MZT2A: variants seen among roughly 807,000 people sequenced by gnomAD.
The protein encoded by MZT2A is mitotic-spindle organizing protein 2A.
MZT2A carries 8 observed loss-of-function variants against 12.4 expected under a neutral mutation model. The observed-to-expected ratio is 0.64, with a 90% CI of 0.38 to 1.16. MZT2A has a LOEUF of 1.16. Among genes scored for constraint, MZT2A ranks in the 50% most tolerant of loss-of-function variants. MZT2A has a pLI of 0.01. For missense variants in MZT2A, 181 were observed against 223.6 expected (o/e 0.81, Z 1.22); for synonymous variants, 88 against 107.5 (o/e 0.82, Z 1.12).
At chr2:131,479,874 A>G (rs1396629345), downstream of MZT2A, among the ~76,000 whole-genome samples, 1 of 152,282 alleles carries the variant, frequency 6.6e-6, no homozygotes, top group East Asian at 1.9e-4. Flanking sequence ...CAGCATCTTG[A>G]GTCCTACTGA....
At chr2:131,471,471 G>T (rs1485832290) in intron 3 of MZT2A, among the ~76,000 whole-genome samples, 1 of 143,982 alleles carries the variant, frequency 6.9e-6, no homozygotes, top group Non-Finnish European at 1.5e-5. Flanking sequence ...AAAAAGAAAA[G>T]AAAAAAGAAC....
intron 2 of MZT2A, among the ~76,000 whole-genome samples, chr2:131,487,205 G>A (rs987162507): frequency 1.3e-5 from 2 of 152,196 alleles, no homozygotes; most frequent in African/African-American, 4.8e-5. Context: ...CTCAGCAGGG[G>A]TCAGTGGCTC....
intron 3 of MZT2A, among the ~76,000 whole-genome samples, chr2:131,471,627 GC>G (rs1573850009): frequency 6.6e-6 from 1 of 151,204 alleles, no homozygotes; most frequent in African/African-American, 2.5e-5. Flanking sequence ...TTACTAAGAT[GC>G]CCCTTCTAAG....
At chr2:131,481,788 A>C (rs1678874027), downstream of MZT2A, among the ~76,000 whole-genome samples, 1 of 152,026 alleles carries the variant, frequency 6.6e-6, no homozygotes. Flanking sequence ...GGCTGGTCTC[A>C]AACCCCTGGC....
In MZT2A at chr2:131,484,344, G is replaced by A. The variant is rs926771446; in HGVS notation, c.320-126C>T. On this transcript the variant is annotated intron_variant, in intron 2 of 2. Transcript: ENST00000309451. ...TCCATCAAAGTCGCTTCAGCTAGAG[G>A]CCCTGCATCAGCCCCAAGTCCTGAG... 2.1e-6 allele frequency: 3 copies of A among 1,420,580 alleles called. No homozygotes were observed. The African/African-American group carries it at 4.3e-5, about 20-fold the overall frequency. 88.0% of individuals were successfully genotyped at this position (1,420,580 alleles called of 1,614,324 possible).
chr2:131,483,353 C>T (rs1038279419), downstream of MZT2A, among the ~76,000 whole-genome samples: 1 of 152,078 alleles, frequency 6.6e-6, no homozygotes, highest in Non-Finnish European at 1.5e-5. Context: ...TTCTGCACAG[C>T]ATTCGTGACC....
intron 2 of MZT2A, among the ~76,000 whole-genome samples, chr2:131,475,713 T>C (rs959837192): frequency 1.3e-5 from 2 of 152,108 alleles, no homozygotes; most frequent in Non-Finnish European, 2.9e-5. Flanking sequence ...AGGGGGATAA[T>C]TGCGGTGCTG....
chr2:131,489,794 T>C, intron 2 of MZT2A: 1 of 888,018 alleles, frequency 1.1e-6, no homozygotes, highest in Non-Finnish European at 1.3e-6. Flanking sequence ...ATTACAGGTG[T>C]GAGCCAGCAC....
chr2:131,491,305 C>G, intron 2 of MZT2A: 1 of 296,282 alleles, frequency 3.4e-6, no homozygotes, highest in Non-Finnish European at 6.5e-6. Context: ...CCGCGTCTAA[C>G]TCTCTTCCTG....
downstream of MZT2A, chr2:131,483,080 A>G (rs1678916231): frequency 1.7e-6 from 1 of 587,542 alleles, no homozygotes; most frequent in Admixed American, 3.5e-5. Flanking sequence ...GCTGCCACAG[A>G]AGTAACCTGA....
chr2:131,490,327 C>T, intron 2 of MZT2A: 1 of 1,036,950 alleles, frequency 9.6e-7, no homozygotes, highest in South Asian at 2.8e-5. Flanking sequence ...AGCCTCCAGA[C>T]TTCCTGTCCA....
Position 131,484,132 on chromosome 2 carries a change from G to A in MZT2A, c.406C>T (p.Arg136Cys), listed in dbSNP as rs185903320. 2,231 of 1,614,118 alleles carry A rather than the reference G, an allele frequency of 1.4e-3. 2 individuals are homozygous for A. Among genetic ancestry groups the A allele is most frequent in the Non-Finnish European group, 1.8e-3 (2,091 of 1,180,008 alleles). ...GGCAGCCTGGTAGCGCTGGGCTGGC[G>A]TGGCATCCTCTGGCTGGATCCCTCG... Reference protein sequence around the residue: ...NHEGSSQRMPRQPSATRLPKG... With the variant: ...NHEGSSQRMPCQPSATRLPKG... Residue 136 changes from arginine (R) to cysteine (C), a missense_variant, in exon 3 of 3, where the codon CGC becomes TGC. Physicochemically the swap from Arg to Cys is radical, Grantham distance 180. Around this residue, in one of 3 missense-constraint regions of MZT2A, gnomAD observed 72 missense variants for 76.9 expected, o/e 0.94. Coordinates refer to ENST00000309451, the MANE Select transcript of MZT2A (RefSeq NM_001085365.2).
intron 2 of MZT2A, among the ~76,000 whole-genome samples, chr2:131,476,551 C>A (rs1480712542): frequency 6.6e-6 from 1 of 152,068 alleles, no homozygotes; most frequent in African/African-American, 2.4e-5. Flanking sequence ...GCCCCAGGAG[C>A]CTTCGGTGAC....
chr2:131,491,474 C>T (rs1159051194), intron 2 of MZT2A: 6 of 341,190 alleles, frequency 1.8e-5, no homozygotes, highest in Non-Finnish European at 2.7e-5. Flanking sequence ...ACCCTGTCAC[C>T]CAGACTGGTC....
chr2:131,492,781 C>CG (rs71983887), upstream of MZT2A: 214,726 of 766,060 alleles, frequency 0.28, 18,268 homozygotes, highest in East Asian at 0.65. Flanking sequence ...GGTCGCTCTT[C>CG]GGGGGGGGTG....
downstream of MZT2A, chr2:131,483,951 G>C (rs1327984516): frequency 3.5e-6 from 5 of 1,443,524 alleles, no homozygotes; most frequent in Admixed American, 7.3e-5. Flanking sequence ...AAAAACAGTA[G>C]AGAGCATCTG....
At chr2:131,484,423 G>C (rs745864912) in intron 2 of MZT2A, among the ~76,000 whole-genome samples, 3 of 152,234 alleles carry the variant, frequency 2.0e-5, no homozygotes, top group Non-Finnish European at 2.9e-5. Flanking sequence ...CAGTGTGCAG[G>C]GGACCCTTTA....
At chr2:131,493,662 C>G (rs184442294), upstream of MZT2A, among the ~76,000 whole-genome samples, 20 of 150,018 alleles carry the variant, frequency 1.3e-4, no homozygotes, top group Admixed American at 6.2e-4. Context: ...CTGTCGCTGT[C>G]AGAAAAACAA....
intron 2 of MZT2A, chr2:131,491,302 T>G: frequency 3.3e-6 from 1 of 299,286 alleles, no homozygotes; most frequent in Non-Finnish European, 6.5e-6. Context: ...GTTCCGCGTC[T>G]AACTCTCTTC....
Sources: gnomAD v4.1 joint callset for allele counts (sites outside exome capture counted in the v4.1 genomes callset) on GRCh38, gnomAD v4.1.1 for gene constraint, gnomAD v4.1.1 regional missense constraint, MANE v1.5 for transcripts, NCBI Gene and HGNC (gene_info 2026-07-23, HGNC 2026-07-21) for gene names.